GPR158: variants seen among roughly 807,000 people sequenced by gnomAD.
GPR158 encodes the protein G protein-coupled receptor 158.
A neutral mutation model predicts 78.2 loss-of-function variants in GPR158; 30 were observed. That is an observed-to-expected ratio of 0.38 (90% confidence interval 0.29 to 0.52). The LOEUF is 0.52. Among genes scored for constraint, GPR158 ranks in the 20% least tolerant of loss-of-function variants. GPR158 has a pLI of 0.83. For synonymous variants in GPR158, 581 were observed against 591.1 expected, an observed-to-expected ratio of 0.98 and a Z score of 0.25; for missense variants, 1,463 against 1,523.5, an observed-to-expected ratio of 0.96 and a Z score of 0.66.
chr10:25,278,766 A>C (rs1291688840), intron 2 of GPR158, among the ~76,000 whole-genome samples: 1 of 151,498 alleles, frequency 6.6e-6, no homozygotes, highest in Non-Finnish European at 1.5e-5. Context: ...TTAAATAATT[A>C]ATAAAATTAA....
At chr10:25,369,891 C>A (rs1407617329) in intron 2 of GPR158, among the ~76,000 whole-genome samples, 1 of 151,846 alleles carries the variant, frequency 6.6e-6, no homozygotes, top group Non-Finnish European at 1.5e-5. Flanking sequence ...CTGGTTTAGT[C>A]TTGGGAGAGT....
intron 2 of GPR158, among the ~76,000 whole-genome samples, chr10:25,354,546 A>G (rs532099730): frequency 2.0e-5 from 3 of 152,182 alleles, no homozygotes; most frequent in Non-Finnish European, 4.4e-5. Flanking sequence ...ATTGTTTTTA[A>G]TAGATTTGCC....
intron 4 of GPR158, among the ~76,000 whole-genome samples, chr10:25,438,172 G>GT (rs1252609619): frequency 6.6e-6 from 1 of 152,164 alleles, no homozygotes; most frequent in African/African-American, 2.4e-5. Context: ...TTGGAATAAC[G>GT]TCACTTACTA....
chr10:25,387,584 T>C (rs1773611), intron 2 of GPR158, among the ~76,000 whole-genome samples: 122,751 of 150,838 alleles, frequency 0.81, 50,973 homozygotes, highest in Non-Finnish European at 0.87. Context: ...GGCATGATCT[T>C]GGCTCACTGC....
At chr10:25,506,611 G>A (rs1337655065) in intron 5 of GPR158, among the ~76,000 whole-genome samples, 1 of 152,194 alleles carries the variant, frequency 6.6e-6, no homozygotes, top group African/African-American at 2.4e-5. Flanking sequence ...GTGTGTTCAC[G>A]TTCCTCTGAC....
intron 5 of GPR158, among the ~76,000 whole-genome samples, chr10:25,472,350 G>T (rs1475234917): frequency 6.6e-6 from 1 of 152,124 alleles, no homozygotes; most frequent in African/African-American, 2.4e-5. Flanking sequence ...GTACCATGCT[G>T]TTTTGGTTAC....
intron 1 of GPR158, among the ~76,000 whole-genome samples, chr10:25,217,048 A>AGT (rs1379651396): frequency 2.0e-5 from 3 of 152,242 alleles, no homozygotes; most frequent in African/African-American, 4.8e-5. Flanking sequence ...CATAGAAAGC[A>AGT]GTGTATGATT....
intron 8 of GPR158, among the ~76,000 whole-genome samples, chr10:25,591,327 C>A (rs1199509022): frequency 6.6e-6 from 1 of 152,100 alleles, no homozygotes; most frequent in Admixed American, 6.6e-5. Context: ...ATAACAGCAT[C>A]CACACTTCAG....
At chr10:25,415,486 T>C (rs1243406656) in intron 4 of GPR158, among the ~76,000 whole-genome samples, 1 of 151,872 alleles carries the variant, frequency 6.6e-6, no homozygotes, top group Non-Finnish European at 1.5e-5. Context: ...TAGCTAAAAA[T>C]AGAAAAGATG....
intron 7 of GPR158, among the ~76,000 whole-genome samples, chr10:25,581,647 G>A (rs531696503): frequency 7.9e-5 from 12 of 152,148 alleles, no homozygotes; most frequent in African/African-American, 2.4e-4. Flanking sequence ...AGCAGTCTTC[G>A]TGGTAGCCTG....
intron 2 of GPR158, among the ~76,000 whole-genome samples, chr10:25,288,131 C>A (rs956871991): frequency 3.3e-5 from 5 of 152,166 alleles, no homozygotes; most frequent in Non-Finnish European, 7.3e-5. Flanking sequence ...CACATATTAA[C>A]CCATTTAATT....
At chr10:25,237,009 T>C (rs565345915) in intron 2 of GPR158, among the ~76,000 whole-genome samples, 1 of 152,176 alleles carries the variant, frequency 6.6e-6, no homozygotes, top group Admixed American at 6.5e-5. Context: ...GACTCAGAAA[T>C]TTTAAGAAAT....
chr10:25,269,957 T>C (rs1854095336), intron 2 of GPR158, among the ~76,000 whole-genome samples: 1 of 152,208 alleles, frequency 6.6e-6, no homozygotes, highest in South Asian at 2.1e-4. Flanking sequence ...TCTCAGATTC[T>C]ATAATCTTAA....
chr10:25,318,384 A>G (rs1854892927), intron 2 of GPR158, among the ~76,000 whole-genome samples: 1 of 151,488 alleles, frequency 6.6e-6, no homozygotes, highest in South Asian at 2.1e-4. Flanking sequence ...GTGTAATTAC[A>G]CTTTGATCTA....
Position 25,452,105 on chromosome 10 carries a change from A to G in GPR158, c.1336-14546A>G, listed in dbSNP as rs534965737. ...CAGGTTGAAGTGCAGTGGTGTGGAC[A>G]TAGCTCACTGCAGACTCAACCTCCT... On this transcript the variant is annotated intron_variant, in intron 4 of 10. Coordinates refer to ENST00000376351, the MANE Select transcript of GPR158 (RefSeq NM_020752.3). Among the ~76,000 whole-genome samples, 10 of 152,136 alleles carry G rather than the reference A, an allele frequency of 6.6e-5. No homozygotes were observed. In the South Asian group the frequency reaches 1.5e-3, roughly 22 times the overall value.
intron 2 of GPR158, among the ~76,000 whole-genome samples, chr10:25,304,578 A>G (rs900647324): frequency 6.6e-6 from 1 of 152,010 alleles, no homozygotes; most frequent in African/African-American, 2.4e-5. Context: ...TATAATATAT[A>G]TATGTAACAT....
At chr10:25,493,790 A>G (rs1034605110) in intron 5 of GPR158, among the ~76,000 whole-genome samples, 4 of 152,242 alleles carry the variant, frequency 2.6e-5, no homozygotes, top group African/African-American at 4.8e-5. Context: ...GTGAAAGTGT[A>G]TATTTTGTGA....
At position 25,257,440 on chromosome 10, in the gene GPR158, C is replaced by T. The variant is rs190644528; in HGVS notation, c.1008+36283C>T. ...TGATTAGCATTGAGTTTCATGTGAACGAACAGTGGTATGGGCTGCCAGAAA... is the reference window on the plus strand; with the variant it reads ...TGATTAGCATTGAGTTTCATGTGAATGAACAGTGGTATGGGCTGCCAGAAA... On this transcript the variant is annotated intron_variant, in intron 2 of 10. Transcript: ENST00000376351. Among the ~76,000 whole-genome samples the T allele has an allele frequency of 8.8e-4, 134 of 152,220 alleles. 2 individuals carry two copies. The highest frequency in any genetic ancestry group is 2.9e-3 in the East Asian group (15 of 5,176).
intron 2 of GPR158, among the ~76,000 whole-genome samples, chr10:25,225,486 A>G (rs1358927693): frequency 1.3e-5 from 2 of 152,154 alleles, no homozygotes; most frequent in African/African-American, 4.8e-5. Flanking sequence ...TCTCAAGTGC[A>G]TTCTCAGATG....
Sources: gnomAD v4.1 joint callset for allele counts (sites outside exome capture counted in the v4.1 genomes callset) on GRCh38, gnomAD v4.1.1 for gene constraint, MANE v1.5 for transcripts, NCBI Gene and HGNC (gene_info 2026-07-23, HGNC 2026-07-21) for gene names.